Variants in CHD5 observed in about 807,000 individuals in gnomAD.
The protein encoded by CHD5 is chromodomain helicase DNA binding protein 5.
A neutral mutation model predicts 230.3 loss-of-function variants in CHD5; 69 were observed. The observed-to-expected ratio is 0.30, with a 90% CI of 0.25 to 0.37. CHD5 has a LOEUF of 0.37. Ranked by LOEUF, CHD5 falls within the 10% of genes least tolerant of loss-of-function variation. CHD5 has a pLI of 1.00. For missense variants in CHD5, 1,827 were observed against 2,622.8 expected, an observed-to-expected ratio of 0.70 and a Z score of 6.63; for synonymous variants, 1,064 against 1,065.9, an observed-to-expected ratio of 1.00 and a Z score of 0.03.
intron 9 of CHD5, 57 bp downstream of exon 9, chr1:6,148,797 G>T: frequency 7.2e-7 from 1 of 1,394,462 alleles, no homozygotes; most frequent in Non-Finnish European, 9.4e-7. Flanking sequence ...CCCTGGGGGC[G>T]GGGCCTGTTC....
In CHD5 at chr1:6,112,893, C is replaced by A. The variant is rs367548720; in HGVS notation, c.5002+16G>T. 21 of 1,599,542 alleles carry A rather than the reference C, an allele frequency of 1.3e-5. No individual in the cohort carries two copies. The highest frequency in any genetic ancestry group is 8.0e-5 in the African/African-American group (6 of 74,556). On this transcript the variant is annotated intron_variant, in intron 34 of 41. Transcript: ENST00000262450. ...GACCATGGGGCACAGGTAGAGAACACAGAAGAGCCCCAGACCTGGCCTGAG... is the reference window on the plus strand; with the variant it reads ...GACCATGGGGCACAGGTAGAGAACAAAGAAGAGCCCCAGACCTGGCCTGAG...
chr1:6,119,289 C>T (rs748497203), intron 33 of CHD5, among the ~76,000 whole-genome samples: 7 of 151,918 alleles, frequency 4.6e-5, no homozygotes, highest in Non-Finnish European at 4.4e-5. Flanking sequence ...TTAGTAGAGA[C>T]GGGTTTCACC....
chr1:6,131,842 G>C lies in CHD5; in HGVS notation c.3145-94C>G. On this transcript the variant is annotated intron_variant, in intron 20 of 41. Coordinates refer to ENST00000262450, the MANE Select transcript of CHD5 (RefSeq NM_015557.3). The surrounding 1 kb of genome is among the most constrained non-coding windows in gnomAD (Gnocchi z 5.0). Reference sequence around the variant, plus strand: ...CCCGCCACAGGCAGGGGAGGAGAGAGCTGCCTGCTAGGTGGGGAGACAGCT... The same window carrying C: ...CCCGCCACAGGCAGGGGAGGAGAGACCTGCCTGCTAGGTGGGGAGACAGCT... The C allele has an allele frequency of 1.4e-6, 1 of 729,226 alleles. No individual in the cohort carries two copies. Among genetic ancestry groups the C allele is most frequent in the South Asian group, 1.6e-5 (1 of 60,810 alleles). 45.2% of individuals were successfully genotyped at this position (729,226 alleles called of 1,614,324 possible).
intron 1 of CHD5, 70 bp from the exon 2 acceptor site, chr1:6,168,347 C>T: frequency 6.6e-7 from 1 of 1,506,646 alleles, no homozygotes; most frequent in Non-Finnish European, 8.9e-7. Context: ...GACACAGAGC[C>T]AGCCCTGGGG....
Position 6,134,812 on chromosome 1 carries a change from G to C in CHD5, c.2918C>G (p.Ser973Cys). 1 of 1,614,124 alleles carries C rather than the reference G, an allele frequency of 6.2e-7. No homozygotes were observed. Among genetic ancestry groups the C allele is most frequent in the Non-Finnish European group, 8.5e-7 (1 of 1,179,998 alleles). The change falls in exon 19 of 42, where the codon TCC (serine) becomes TGC (cysteine). Residue 973 changes from serine (S) to cysteine (C), a missense_variant. Around this residue, in one of 14 missense-constraint regions of CHD5, gnomAD observed 16 missense variants for 18.2 expected, o/e 0.88. Coordinates refer to ENST00000262450, the MANE Select transcript of CHD5 (RefSeq NM_015557.3). The surrounding 1 kb of genome is among the most constrained non-coding windows in gnomAD (Gnocchi z 6.3). Reference protein sequence around the residue: ...ILTRNFEALNSKGGGNQVSLL... With the variant: ...ILTRNFEALNCKGGGNQVSLL... ...CGATACTTGGTTCCCGCCCCCCTTG[G>C]AGTTCAGTGCCTCAAAGTTCCGTGT...
Position 6,125,076 on chromosome 1 carries a change from T to G in CHD5, c.4394+24A>C. On this transcript the variant is annotated intron_variant, in intron 29 of 41. Transcript: ENST00000262450. This position sits in a 1 kb window ranked among gnomAD's most constrained non-coding sequence, Gnocchi z 6.7. ...TACTCAGGGGCAGGTGGTCACACCC[T>G]GGGCCACCACCTAGCCCCTTTACCT... The G allele has an allele frequency of 1.3e-6, 2 of 1,547,156 alleles. No individual in the cohort carries two copies. Among genetic ancestry groups the G allele is most frequent in the Non-Finnish European group, 1.7e-6 (2 of 1,143,204 alleles).
rs1667064525 is a variant in CHD5, at chr1:6,155,305, C to A, written c.506+294G>T. ...GGGCCTTGGGGTCTCCGTCCCACCT[C>A]TACCAGAGCTGAGAGGCCATGGTGG... On this transcript the variant is annotated intron_variant, in intron 4 of 41. Coordinates refer to ENST00000262450, the MANE Select transcript of CHD5 (RefSeq NM_015557.3). The surrounding 1 kb of genome is among the most constrained non-coding windows in gnomAD (Gnocchi z 4.0). Among the ~76,000 whole-genome samples the A allele has an allele frequency of 6.6e-6, 1 of 152,224 alleles. No homozygotes were observed. Among genetic ancestry groups the A allele is most frequent in the South Asian group, 2.1e-4 (1 of 4,836 alleles).
chr1:6,159,211 AC>A lies in CHD5; in HGVS notation c.387+124del. 3 of 1,458,158 alleles carry A rather than the reference AC, an allele frequency of 2.1e-6. No individual in the cohort carries two copies. The East Asian group carries it at 7.6e-5, about 37-fold the overall frequency. 90.3% of individuals were successfully genotyped at this position (1,458,158 alleles called of 1,614,324 possible). A position where few individuals can be genotyped will look rare whatever the true frequency, so the allele number is the denominator to read the frequency against. On this transcript the variant is annotated intron_variant, in intron 3 of 41. Transcript: ENST00000262450. ...CACGCCACTGCACTCCAGCCTGGCA[AC>A]AGAGTGAGACTCCATCACACACACA...
Position 6,125,956 on chromosome 1 carries a change from C to T in CHD5, c.4079-98G>A. The T allele has an allele frequency of 1.2e-6, 1 of 825,438 alleles. No individual in the cohort carries two copies. The highest frequency in any genetic ancestry group is 1.5e-5 in the South Asian group (1 of 67,704). 51.1% of individuals were successfully genotyped at this position (825,438 alleles called of 1,614,324 possible). A position where few individuals can be genotyped will look rare whatever the true frequency, so the allele number is the denominator to read the frequency against. On this transcript the variant is annotated intron_variant, in intron 26 of 41. Coordinates refer to ENST00000262450, the MANE Select transcript of CHD5 (RefSeq NM_015557.3). The surrounding 1 kb of genome is among the most constrained non-coding windows in gnomAD (Gnocchi z 6.7). ...CAGGGCCACGCCGAGCCCCTGCACCCCAGCTCCATAAAAAAGCAGTGACAA... is the reference window on the plus strand; with the variant it reads ...CAGGGCCACGCCGAGCCCCTGCACCTCAGCTCCATAAAAAAGCAGTGACAA...
In CHD5 at chr1:6,129,073, G is replaced by A. The variant is rs867215405; in HGVS notation, c.3388-4C>T. 6.3e-7 allele frequency: 1 copy of A among 1,594,930 alleles called. No homozygotes were observed. Among genetic ancestry groups the A allele is most frequent in the Non-Finnish European group, 8.5e-7 (1 of 1,170,278 alleles). Reference sequence around the variant, plus strand: ...TGCGGTGGGCGCGGCTGAAGGCCTGGGGAGACCTGCACCTCAGCACCCGTG... The same window carrying A: ...TGCGGTGGGCGCGGCTGAAGGCCTGAGGAGACCTGCACCTCAGCACCCGTG... On this transcript the variant is annotated splice_polypyrimidine_tract_variant and splice_region_variant and intron_variant, in intron 22 of 41. Transcript: ENST00000262450. This position sits in a 1 kb window ranked among gnomAD's most constrained non-coding sequence, Gnocchi z 6.8.
intron 15 of CHD5, among the ~76,000 whole-genome samples, chr1:6,138,647 C>T (rs1415632872): frequency 2.6e-5 from 4 of 152,246 alleles, no homozygotes; most frequent in Non-Finnish European, 5.9e-5. Flanking sequence ...AGCCGAGCAT[C>T]GGTCTCCTCG....
intron 2 of CHD5, among the ~76,000 whole-genome samples, chr1:6,162,416 A>G (rs1210937190): frequency 6.6e-6 from 1 of 152,004 alleles, no homozygotes; most frequent in Non-Finnish European, 1.5e-5. Context: ...AAGAAAGAAA[A>G]GAAAATGCCT....
intron 15 of CHD5, 151 bp downstream of exon 15, chr1:6,141,977 G>A (rs913758480): frequency 1.0e-5 from 7 of 680,942 alleles, no homozygotes; most frequent in African/African-American, 3.6e-5. Context: ...TGACATGGCT[G>A]TAACTCAGCC....
At chr1:6,136,425 C>G in intron 17 of CHD5, 92 bp downstream of exon 17, 1 of 1,441,010 alleles carries the variant, frequency 6.9e-7, no homozygotes, top group Non-Finnish European at 9.6e-7. Context: ...AACGGCCGAG[C>G]AGGTCTCACA....
At position 6,128,022 on chromosome 1, in the gene CHD5, T is replaced by A; in HGVS notation, c.3903+24A>T. The A allele has an allele frequency of 6.5e-7, 1 of 1,546,804 alleles. No homozygotes were observed. ...TGCGGATGGAGGGCGGGGCTGCGGA[T>A]GGAGGGCGGGCCGGGGACCTTACCA... On this transcript the variant is annotated intron_variant, in intron 25 of 41. Transcript: ENST00000262450. The surrounding 1 kb of genome is among the most constrained non-coding windows in gnomAD (Gnocchi z 7.8).
chr1:6,107,743 ATGATGGAG>A (rs1223468575), intron 38 of CHD5, among the ~76,000 whole-genome samples: 2 of 115,236 alleles, frequency 1.7e-5, no homozygotes, highest in Admixed American at 8.5e-5. Flanking sequence ...GGGATGATGG[ATGATGGAG>A]AGATGGAGGG....
At chr1:6,178,701 G>A (rs967800243) in intron 1 of CHD5, among the ~76,000 whole-genome samples, 12 of 152,056 alleles carry the variant, frequency 7.9e-5, no homozygotes, top group Non-Finnish European at 5.9e-5. Flanking sequence ...GGTGAGTGCC[G>A]GGCTCCTGTA....
At position 6,154,696 on chromosome 1, in the gene CHD5, C is replaced by T. The variant is rs1320403703; in HGVS notation, c.709G>A (p.Val237Met). 1.9e-6 allele frequency: 3 copies of T among 1,596,592 alleles called. No homozygotes were observed. The highest frequency in any genetic ancestry group is 1.1e-5 in the South Asian group (1 of 88,754). The change falls in exon 5 of 42, where the codon GTG (valine) becomes ATG (methionine). Residue 237 changes from valine to methionine, a missense_variant. Val to Met is a conservative substitution (Grantham distance 21). Transcript: ENST00000262450. This position sits in a 1 kb window ranked among gnomAD's most constrained non-coding sequence, Gnocchi z 7.0. ...TTGGTCTTGGCCTTGCGGATAGGCA[C>T]AGGCTGGGGCACCTGCGGGGGGCTG... Reference protein sequence around the residue: ...AVSPPQVPQPVPIRKAKTKEG... With the variant: ...AVSPPQVPQPMPIRKAKTKEG...
chr1:6,123,468 C>G (rs11121262), intron 31 of CHD5, among the ~76,000 whole-genome samples: 17 of 151,926 alleles, frequency 1.1e-4, no homozygotes, highest in African/African-American at 3.9e-4. Context: ...CTTTGTCCCC[C>G]CAGGCTGGAG....
Sources: gnomAD v4.1 joint callset for allele counts (sites outside exome capture counted in the v4.1 genomes callset) on GRCh38, gnomAD v4.1.1 for gene constraint, gnomAD v4.1.1 regional missense constraint, Gnocchi (gnomAD v3.1) non-coding constraint, MANE v1.5 for transcripts, NCBI Gene and HGNC (gene_info 2026-07-23, HGNC 2026-07-21) for gene names.